Variants in CPB2 observed in about 807,000 individuals in gnomAD.
CPB2 encodes the protein carboxypeptidase B-like protein.
CPB2 carries 54 observed loss-of-function variants against 57.0 expected under a neutral mutation model. The ratio of observed to expected loss-of-function variants is 0.95; its 90% CI spans 0.76 to 1.19. CPB2 has a LOEUF of 1.19. CPB2 is among the 50% of genes most tolerant of loss of function. The probability of loss-of-function intolerance (pLI) is 0.00; values close to 1 mark genes in which losing one functional copy is unlikely to be tolerated. For synonymous variants in CPB2, 189 were observed against 178.1 expected (o/e 1.06, Z -0.49); for missense variants, 426 against 512.0 (o/e 0.83, Z 1.62).
At chr13:46,100,751 T>C (rs572756863) in intron 1 of CPB2, 8 of 152,216 alleles carry the variant, frequency 5.3e-5, no homozygotes, top group African/African-American at 1.7e-4. Context: ...TGCCATCCAA[T>C]AGGGCCACCT....
chr13:46,067,256 T>C (rs1334709425), intron 7 of CPB2, 51 bp downstream of exon 7: 1 of 924,538 alleles, frequency 1.1e-6, no homozygotes, highest in Non-Finnish European at 1.8e-6. Context: ...AACCTGTATA[T>C]CCTATATCCC....
intron 1 of CPB2, among the ~76,000 whole-genome samples, chr13:46,091,645 G>T (rs142517550): frequency 6.6e-6 from 1 of 152,164 alleles, no homozygotes; most frequent in African/African-American, 2.4e-5. Flanking sequence ...TCAATAGATT[G>T]TTTAAAAAGC....
chr13:46,084,124 A>G, intron 3 of CPB2, 95 bp downstream of exon 3: 3 of 1,444,182 alleles, frequency 2.1e-6, no homozygotes, highest in Admixed American at 1.9e-5. Flanking sequence ...TGGTTAATAC[A>G]TTTTATTTTT....
chr13:46,093,485 C>T (rs1014848508), intron 1 of CPB2, among the ~76,000 whole-genome samples: 12 of 152,236 alleles, frequency 7.9e-5, no homozygotes, highest in South Asian at 2.1e-4. Flanking sequence ...ACAGAATTGT[C>T]GAATGTTGGT....
rs116007016 is a variant in CPB2 at position 46,053,382 on chromosome 13, G to C, written c.*232C>G. 4 of 478,330 alleles carry C rather than the reference G, an allele frequency of 8.4e-6. No individual in the cohort carries two copies. The highest frequency in any genetic ancestry group is 1.3e-5 in the Non-Finnish European group (4 of 302,920). 29.6% of individuals were successfully genotyped at this position (478,330 alleles called of 1,614,324 possible). On this transcript the variant is annotated 3_prime_UTR_variant, in exon 11 of 11. Transcript: ENST00000181383. ...GGCTAGTCAAACGTCGAAAATCAAA[G>C]AAAAAGTAGGTAACTAGACTTTTAC...
intron 1 of CPB2, chr13:46,100,141 A>C (rs567161443): frequency 6.6e-6 from 1 of 152,320 alleles, no homozygotes; most frequent in East Asian, 1.9e-4. Context: ...AAGCAGAGAA[A>C]GAAAGAAAAT....
chr13:46,086,482 T>C (rs1462400971), intron 2 of CPB2, among the ~76,000 whole-genome samples: 2 of 152,174 alleles, frequency 1.3e-5, no homozygotes, highest in Non-Finnish European at 2.9e-5. Flanking sequence ...GTGGCTCCTC[T>C]CTACAGCTGG....
chr13:46,074,073 C>A (rs2044985257), intron 5 of CPB2, 96 bp from the exon 6 acceptor site: 2 of 625,920 alleles, frequency 3.2e-6, no homozygotes, highest in East Asian at 5.7e-5. Context: ...ATAGTTTCAG[C>A]AAATCTCTGA....
chr13:46,098,132 T>C (rs1465393068), intron 1 of CPB2, among the ~76,000 whole-genome samples: 1 of 152,164 alleles, frequency 6.6e-6, no homozygotes, highest in Non-Finnish European at 1.5e-5. Context: ...TTGTCCAAAT[T>C]TGATGTATAC....
chr13:46,078,076 A>G (rs2045051456), intron 5 of CPB2, among the ~76,000 whole-genome samples: 1 of 152,190 alleles, frequency 6.6e-6, no homozygotes, highest in African/African-American at 2.4e-5. Context: ...TCCCAACACA[A>G]AGAAATGATA....
At chr13:46,062,027 T>G (rs1208833814) in intron 8 of CPB2, among the ~76,000 whole-genome samples, 1 of 8,642 alleles carries the variant, frequency 1.2e-4, no homozygotes, top group Non-Finnish European at 2.1e-4. Flanking sequence ...TTTATTTGGT[T>G]TTTTTTTTTT....
intron 5 of CPB2, among the ~76,000 whole-genome samples, chr13:46,076,982 G>T (rs1211153378): frequency 6.6e-6 from 1 of 152,066 alleles, no homozygotes; most frequent in Non-Finnish European, 1.5e-5. Context: ...ACTACTAGAA[G>T]AAAACATTGG....
At chr13:46,072,509 C>G (rs1432983032) in intron 6 of CPB2, among the ~76,000 whole-genome samples, 3 of 152,124 alleles carry the variant, frequency 2.0e-5, no homozygotes, top group Non-Finnish European at 4.4e-5. Context: ...AAATACTCAG[C>G]TATAAGATCC....
chr13:46,086,889 C>T lies in CPB2; in HGVS notation c.150+856G>A, dbSNP rs928278541. Among the ~76,000 whole-genome samples, 7 of 152,360 alleles carry T rather than the reference C, an allele frequency of 4.6e-5. No homozygotes were observed. In the South Asian group the frequency reaches 1.4e-3, roughly 32 times the overall value. On this transcript the variant is annotated intron_variant, in intron 2 of 10. Coordinates refer to ENST00000181383, the MANE Select transcript of CPB2 (RefSeq NM_001872.5). ...GTCAGTACCGCTCTGATCATGCACA[C>T]AGCCAGCCAGGTTGTGACAACACCT... is the stretch of plus-strand genomic sequence containing the variant.
chr13:46,093,942 G>C (rs17844174), intron 1 of CPB2, among the ~76,000 whole-genome samples: 3 of 152,066 alleles, frequency 2.0e-5, no homozygotes, highest in African/African-American at 7.3e-5. Flanking sequence ...TGAAATTTTA[G>C]TATTTTCTCC....
intron 4 of CPB2, among the ~76,000 whole-genome samples, chr13:46,079,451 A>T (rs2045073093): frequency 6.6e-6 from 1 of 151,332 alleles, no homozygotes; most frequent in African/African-American, 2.4e-5. Flanking sequence ...TCCCCCCAAG[A>T]AGTAGTTCGA....
chr13:46,058,604 C>T (rs1001994406), intron 8 of CPB2, among the ~76,000 whole-genome samples: 1 of 152,220 alleles, frequency 6.6e-6, no homozygotes, highest in African/African-American at 2.4e-5. Context: ...TTCCCAGCAC[C>T]TGTCTCCCTT....
intron 1 of CPB2, chr13:46,100,224 G>A (rs1566421152): frequency 6.6e-6 from 1 of 152,142 alleles, no homozygotes; most frequent in Non-Finnish European, 1.5e-5. Flanking sequence ...CAAAAAATAA[G>A]TTAGGAAATA....
In CPB2 at chr13:46,082,439, A is replaced by G; in HGVS notation, c.384+2T>C. 1 of 1,566,488 alleles carries G rather than the reference A, an allele frequency of 6.4e-7. No homozygotes were observed. On this transcript the variant is annotated splice_donor_variant, in intron 4 of 10. Transcript: ENST00000181383. LOFTEE classifies it high-confidence loss of function. ...GCTTTGAAGAGCTGTGTGATGGCTT[A>G]CTTCATTTAGTGAGTGATACTGTTC...
Sources: allele counts gnomAD v4.1 joint callset (sites outside exome capture counted in the v4.1 genomes callset), GRCh38; gene constraint gnomAD v4.1.1; transcripts MANE v1.5; gene names NCBI Gene and HGNC (gene_info 2026-07-23, HGNC 2026-07-21).